TEX22: variants seen among roughly 807,000 people sequenced by gnomAD.
TEX22 encodes the protein testis expressed 22.
Under a neutral mutation model 11.3 loss-of-function variants are expected in TEX22, and 16 were observed. The observed-to-expected ratio is 1.42, with a 90% confidence interval of 0.96 to 2.15. TEX22 has a LOEUF of 2.15. Among genes scored for constraint, TEX22 ranks in the 30% most tolerant of loss-of-function variants. The pLI is 0.00. For synonymous variants in TEX22, 97 were observed against 92.3 expected (o/e 1.05, Z -0.29); for missense variants, 220 against 208.6 (o/e 1.05, Z -0.34).
At chr14:105,401,592 G>T (rs2081626797) in intron 2 of TEX22, among the ~76,000 whole-genome samples, 1 of 116,660 alleles carries the variant, frequency 8.6e-6, no homozygotes, top group African/African-American at 3.3e-5. Flanking sequence ...TGGGGTGGGG[G>T]GAGGGGGGAG....
intron 2 of TEX22, among the ~76,000 whole-genome samples, chr14:105,402,680 C>G (rs953143343): frequency 2.0e-5 from 3 of 148,400 alleles, no homozygotes; most frequent in South Asian, 2.2e-4. Flanking sequence ...GGCGTGAACC[C>G]GGGAGGCGGA....
At position 105,407,007 on chromosome 14, in the gene TEX22, C is replaced by T. The variant is rs782635439; in HGVS notation, c.151-4361C>T. On this transcript the variant is annotated intron_variant, in intron 2 of 3. Transcript: ENST00000451127. ...GCAGCACAGCTTTGACCATACCTCA[C>T]GTTTTGGTGTGTCCTGATTTCATCG... Among the ~76,000 whole-genome samples the T allele has an allele frequency of 2.6e-5, 4 of 152,030 alleles. No individual in the cohort carries two copies. In the South Asian group the frequency reaches 6.2e-4, roughly 24 times the overall value.
Position 105,413,375 on chromosome 14 carries a change from C to G in TEX22, c.*1542C>G, listed in dbSNP as rs782118132. On this transcript the variant is annotated 3_prime_UTR_variant, in exon 4 of 4. Transcript: ENST00000451127. This position sits in a 1 kb window ranked among gnomAD's most constrained non-coding sequence, Gnocchi z 4.2. ...ATCCCCAGGTGTAAACAGGGCAGAG[C>G]GGAGCTGACAGGTAAGCAGTTGCCA... 6.6e-6 allele frequency: 1 copy of G among 152,318 alleles called. No individual in the cohort carries two copies. The highest frequency in any genetic ancestry group is 1.5e-5 in the Non-Finnish European group (1 of 68,186). 9.4% of individuals were successfully genotyped at this position (152,318 alleles called of 1,614,324 possible). A position where few individuals can be genotyped will look rare whatever the true frequency, so the allele number is the denominator to read the frequency against.
chr14:105,403,239 A>G (rs968869501), intron 2 of TEX22, among the ~76,000 whole-genome samples: 3 of 152,240 alleles, frequency 2.0e-5, no homozygotes, highest in Non-Finnish European at 4.4e-5. Flanking sequence ...ACTATTTTAC[A>G]TTTTAGTGTG....
chr14:105,411,710 C>T lies in TEX22; in HGVS notation c.330C>T (p.Asp110=), dbSNP rs1368300045. 6.5e-7 allele frequency: 1 copy of T among 1,530,398 alleles called. No homozygotes were observed. The highest frequency in any genetic ancestry group is 8.7e-7 in the Non-Finnish European group (1 of 1,143,938). 94.8% of individuals were successfully genotyped at this position (1,530,398 alleles called of 1,614,324 possible). A position where few individuals can be genotyped will look rare whatever the true frequency, so the allele number is the denominator to read the frequency against. Residue 110 remains aspartate, a synonymous_variant, in exon 4 of 4, where the codon GAC becomes GAT. Transcript: ENST00000451127. ...AQLVSEDVDK[D]VLLPHPLRST... ...TGGTGTCGGAGGACGTGGACAAGGA[C>T]GTGCTCCTTCCCCACCCGCTGAGGT...
chr14:105,405,837 G>A (rs190985794), intron 2 of TEX22, among the ~76,000 whole-genome samples: 103 of 152,306 alleles, frequency 6.8e-4, no homozygotes, highest in Non-Finnish European at 7.3e-4. Context: ...ATGTTTACTT[G>A]GAAAAGGAAC....
intron 2 of TEX22, among the ~76,000 whole-genome samples, chr14:105,410,768 G>A (rs902810740): frequency 6.6e-6 from 1 of 152,156 alleles, no homozygotes; most frequent in Non-Finnish European, 1.5e-5. Context: ...GCCCACGTGG[G>A]AAGTTCCTTC....
intron 1 of TEX22, among the ~76,000 whole-genome samples, chr14:105,399,083 G>T (rs914438978): frequency 6.6e-6 from 1 of 152,266 alleles, no homozygotes; most frequent in South Asian, 2.1e-4. Context: ...GTCGGCAGGG[G>T]CAGAGAGGAC....
At position 105,411,815 on chromosome 14, in the gene TEX22, G is replaced by T; in HGVS notation, c.435G>T (p.Ser145=). The T allele has an allele frequency of 6.9e-7, 1 of 1,441,474 alleles. No individual in the cohort carries two copies. The highest frequency in any genetic ancestry group is 9.1e-7 in the Non-Finnish European group (1 of 1,093,132). The allele number at this position is 1,441,474 out of a possible 1,614,324, so 89.3% of individuals were successfully genotyped here. ...PFWHNATFEA[S]RSPPS ...GGCATAATGCGACTTTCGAGGCCTC[G>T]AGGTCACCCCCTTCCTAAGAGCCCC... The change falls in exon 4 of 4, where the codon TCG becomes TCT. Residue 145 remains serine (S), a synonymous_variant. Transcript: ENST00000451127.
In TEX22 at chr14:105,411,386, C is replaced by G. The variant is rs899465953; in HGVS notation, c.169C>G (p.Arg57Gly). 2.3e-6 allele frequency: 3 copies of G among 1,323,368 alleles called. No individual in the cohort carries two copies. Among genetic ancestry groups the G allele is most frequent in the Non-Finnish European group, 2.9e-6 (3 of 1,036,616 alleles). The allele number at this position is 1,323,368 out of a possible 1,614,324, so 82.0% of individuals were successfully genotyped here. A position where few individuals can be genotyped will look rare whatever the true frequency, so the allele number is the denominator to read the frequency against. ...CCCCCAGGTGTGCGAGCCGCCGGAA[C>G]GCAGGCGCCCGGGCCGCCGCTGGAG... is the stretch of plus-strand genomic sequence containing the variant. ...TQDWVCEPPE[R>G]RRPGRRWSVS... The change falls in exon 3 of 4, where the codon CGC becomes GGC. Residue 57 changes from arginine (R) to glycine (G), a missense_variant. Physicochemically the swap from Arg to Gly is moderately radical, Grantham distance 125 (BLOSUM62 -2). Coordinates refer to ENST00000451127, the MANE Select transcript of TEX22 (RefSeq NM_001195082.2).
chr14:105,402,984 G>A (rs981231273), intron 2 of TEX22, among the ~76,000 whole-genome samples: 1 of 152,140 alleles, frequency 6.6e-6, no homozygotes. Flanking sequence ...GACCCCAAGA[G>A]AGGGTTTTTG....
chr14:105,404,424 TGA>T (rs781812777), intron 2 of TEX22, among the ~76,000 whole-genome samples: 2 of 152,172 alleles, frequency 1.3e-5, no homozygotes, highest in African/African-American at 4.8e-5. Context: ...CTATTTAGTG[TGA>T]GAGGGGACGA....
At chr14:105,408,124 A>T (rs868934909) in intron 2 of TEX22, among the ~76,000 whole-genome samples, 1 of 152,152 alleles carries the variant, frequency 6.6e-6, no homozygotes, top group African/African-American at 2.4e-5. Flanking sequence ...TTGTTAAAAC[A>T]TATATATTTA....
At chr14:105,404,272 G>A (rs1555418702) in intron 2 of TEX22, among the ~76,000 whole-genome samples, 1 of 152,226 alleles carries the variant, frequency 6.6e-6, no homozygotes. Context: ...GACAGCTTCA[G>A]TATCCTCAGT....
At chr14:105,398,829 A>G (rs1291575852) in intron 1 of TEX22, among the ~76,000 whole-genome samples, 194 bp downstream of exon 1, 5 of 152,188 alleles carry the variant, frequency 3.3e-5, no homozygotes, top group Non-Finnish European at 5.9e-5. Flanking sequence ...CGGGCACGTA[A>G]GGGCTCCGGG....
chr14:105,410,339 A>C (rs2081682675), intron 2 of TEX22, among the ~76,000 whole-genome samples: 1 of 152,096 alleles, frequency 6.6e-6, no homozygotes, highest in Non-Finnish European at 1.5e-5. Flanking sequence ...GGCCTCCCAA[A>C]ATGCTGGGAT....
intron 2 of TEX22, among the ~76,000 whole-genome samples, chr14:105,406,281 G>A (rs782677906): frequency 9.2e-5 from 14 of 152,180 alleles, no homozygotes; most frequent in South Asian, 4.1e-4. Flanking sequence ...AAACATTTCT[G>A]TGCAATCAAA....
chr14:105,402,111 G>C (rs587672633), intron 2 of TEX22, among the ~76,000 whole-genome samples: 2 of 152,256 alleles, frequency 1.3e-5, no homozygotes, highest in African/African-American at 4.8e-5. Context: ...GCTTGAACCT[G>C]GGAGTTGGAG....
intron 2 of TEX22, among the ~76,000 whole-genome samples, chr14:105,401,476 G>A (rs587624691): frequency 3.3e-5 from 5 of 150,330 alleles, no homozygotes; most frequent in African/African-American, 7.3e-5. Context: ...GCAAACTATC[G>A]CAAGGACAAA....
Sources: allele counts gnomAD v4.1 joint callset (sites outside exome capture counted in the v4.1 genomes callset), GRCh38; gene constraint gnomAD v4.1.1; non-coding constraint Gnocchi (gnomAD v3.1); transcripts MANE v1.5; gene names NCBI Gene and HGNC (gene_info 2026-07-23, HGNC 2026-07-21).